SLC66A2: variants seen among roughly 807,000 people sequenced by gnomAD.
SLC66A2 encodes the protein PQ loop repeat containing 1.
SLC66A2 carries 23 observed loss-of-function variants against 25.5 expected under a neutral mutation model. The ratio of observed to expected loss-of-function variants is 0.90; its 90% CI spans 0.65 to 1.28. The LOEUF (loss-of-function observed/expected upper bound fraction) is 1.28, where lower values mean the gene tolerates loss of function less well. Ranked by LOEUF, SLC66A2 falls within the 50% of genes most tolerant of loss-of-function variation. The probability of loss-of-function intolerance (pLI) is 0.00; values close to 1 mark genes in which losing one functional copy is unlikely to be tolerated. For synonymous variants in SLC66A2, 193 were observed against 166.5 expected (o/e 1.16, Z -1.23); for missense variants, 396 against 373.1 (o/e 1.06, Z -0.51).
At chr18:79,926,407 T>G (rs891486) in intron 4 of SLC66A2, among the ~76,000 whole-genome samples, 1 of 152,004 alleles carries the variant, frequency 6.6e-6, no homozygotes. Flanking sequence ...GGGACTGGGA[T>G]GGCTGGAGGG....
At chr18:79,931,019 ATAAGT>A (rs1292859512) in intron 4 of SLC66A2, among the ~76,000 whole-genome samples, 2 of 152,356 alleles carry the variant, frequency 1.3e-5, no homozygotes, top group East Asian at 1.9e-4. Context: ...GTAGATTCTG[ATAAGT>A]TAAGATGAAT....
chr18:79,941,058 G>A lies in SLC66A2; in HGVS notation c.337+2271C>T, dbSNP rs774791942. Reference sequence around the variant, plus strand: ...GGAAAGGGTGCCCCAGCTTCCTATCGCCTCCATAACAAGGTACCACAAACG... The same window carrying A: ...GGAAAGGGTGCCCCAGCTTCCTATCACCTCCATAACAAGGTACCACAAACG... On this transcript the variant is annotated intron_variant, in intron 3 of 5. Coordinates refer to ENST00000397778, the MANE Select transcript of SLC66A2 (RefSeq NM_025078.5). This position sits in a 1 kb window ranked among gnomAD's most constrained non-coding sequence, Gnocchi z 4.1. Among the ~76,000 whole-genome samples the A allele has an allele frequency of 5.3e-5, 8 of 152,130 alleles. 1 individual carries two copies. The highest frequency in any genetic ancestry group is 1.9e-4 in the East Asian group (1 of 5,172).
intron 3 of SLC66A2, among the ~76,000 whole-genome samples, chr18:79,934,931 C>G (rs1986929729): frequency 6.6e-6 from 1 of 152,158 alleles, no homozygotes; most frequent in Non-Finnish European, 1.5e-5. Context: ...ACTCACAAGG[C>G]AGGAACTGCA....
At chr18:79,913,794 T>A (rs1166534423) in intron 5 of SLC66A2, among the ~76,000 whole-genome samples, 1 of 152,090 alleles carries the variant, frequency 6.6e-6, no homozygotes, top group Non-Finnish European at 1.5e-5. Flanking sequence ...CAGGGAAGAT[T>A]CCAGGCAGCA....
chr18:79,922,109 C>T (rs1347551614), intron 4 of SLC66A2, among the ~76,000 whole-genome samples: 2 of 151,772 alleles, frequency 1.3e-5, no homozygotes, highest in Non-Finnish European at 2.9e-5. Context: ...TGATCATGCC[C>T]CCCTGAAGGA....
chr18:79,946,231 G>A (rs1053787806), intron 2 of SLC66A2, among the ~76,000 whole-genome samples: 1 of 129,112 alleles, frequency 7.7e-6, no homozygotes, highest in Non-Finnish European at 1.8e-5. Context: ...CTAATTTTAG[G>A]GTGAAGACAA....
chr18:79,931,961 G>A (rs181099028), intron 4 of SLC66A2, among the ~76,000 whole-genome samples: 1 of 152,186 alleles, frequency 6.6e-6, no homozygotes, highest in East Asian at 1.9e-4. Flanking sequence ...AGGTTGCAGT[G>A]AGCCAAGATC....
rs1020036852 is a variant in SLC66A2 at position 79,903,630 on chromosome 18, G to A, written c.*346C>T. 17 of 322,002 alleles carry A rather than the reference G, an allele frequency of 5.3e-5. No individual in the cohort carries two copies. The highest frequency in any genetic ancestry group is 9.1e-5 in the Non-Finnish European group (16 of 175,134). 19.9% of individuals were successfully genotyped at this position (322,002 alleles called of 1,614,324 possible). A position where few individuals can be genotyped will look rare whatever the true frequency, so the allele number is the denominator to read the frequency against. On this transcript the variant is annotated 3_prime_UTR_variant, in exon 6 of 6. Transcript: ENST00000397778. Reference sequence around the variant, plus strand: ...AAGGTTCGCGGCTGCTGGCCCGTGTGTCCACCTGGAGCAGGTTCCTGCAGG... The same window carrying A: ...AAGGTTCGCGGCTGCTGGCCCGTGTATCCACCTGGAGCAGGTTCCTGCAGG...
In SLC66A2 at chr18:79,941,233, G is replaced by C. The variant is rs529965204; in HGVS notation, c.337+2096C>G. Among the ~76,000 whole-genome samples, 1 of 152,166 alleles carries C rather than the reference G, an allele frequency of 6.6e-6. No individual in the cohort carries two copies. Among genetic ancestry groups the C allele is most frequent in the Non-Finnish European group, 1.5e-5 (1 of 68,022 alleles). ...TCGGGGGCTCTGCTGCCTGTAAAGCGACGGCCGACCCATGGCAGAGAGCCA... is the reference window on the plus strand; with the variant it reads ...TCGGGGGCTCTGCTGCCTGTAAAGCCACGGCCGACCCATGGCAGAGAGCCA... On this transcript the variant is annotated intron_variant, in intron 3 of 5. Coordinates refer to ENST00000397778, the MANE Select transcript of SLC66A2 (RefSeq NM_025078.5). The surrounding 1 kb of genome is among the most constrained non-coding windows in gnomAD (Gnocchi z 4.1).
intron 5 of SLC66A2, among the ~76,000 whole-genome samples, chr18:79,905,211 G>A (rs572087782): frequency 4.5e-4 from 69 of 152,370 alleles, no homozygotes; most frequent in African/African-American, 1.5e-3. Flanking sequence ...GGAAAAACCA[G>A]GAGGCTTTGG....
At chr18:79,930,329 T>C (rs994935700) in intron 4 of SLC66A2, 2 of 151,602 alleles carry the variant, frequency 1.3e-5, no homozygotes, top group Non-Finnish European at 2.9e-5. Flanking sequence ...GAAAAAAAAA[T>C]CATCAACCAA....
chr18:79,944,279 GA>G (rs1987975339), intron 2 of SLC66A2: 2 of 152,658 alleles, frequency 1.3e-5, no homozygotes, highest in Admixed American at 1.3e-4. Context: ...GGAAGGCGGG[GA>G]TAGTGTGCAG....
rs539455750 is a variant in SLC66A2, at chr18:79,911,077, C to T, written c.609-6894G>A. ...ACAAGTGGGAAGGTGATGCCTGAGC[C>T]CAGCCCCCAGGAAGGAAGAGCAGAG... On this transcript the variant is annotated intron_variant, in intron 5 of 5. Transcript: ENST00000397778. Among the ~76,000 whole-genome samples, 49 of 152,234 alleles carry T rather than the reference C, an allele frequency of 3.2e-4. 1 individual carries two copies. Among genetic ancestry groups the T allele is most frequent in the South Asian group, 6.2e-4 (3 of 4,832 alleles).
rs1010925683 is a variant in SLC66A2 at position 79,904,511 on chromosome 18, C to A, written c.609-328G>T. Among the ~76,000 whole-genome samples the A allele has an allele frequency of 3.3e-5, 5 of 152,112 alleles. No homozygotes were observed. Among genetic ancestry groups the A allele is most frequent in the Admixed American group, 3.3e-4 (5 of 15,276 alleles). On this transcript the variant is annotated intron_variant, in intron 5 of 5. Coordinates refer to ENST00000397778, the MANE Select transcript of SLC66A2 (RefSeq NM_025078.5). The surrounding 1 kb of genome is among the most constrained non-coding windows in gnomAD (Gnocchi z 6.3). The stretch of plus-strand genomic sequence containing the variant: ...TGCCGCCTGGCTGGGGCTCTGCAAG[C>A]CCAAGAACAGTGAGACCAGCTCGAG...
intron 2 of SLC66A2, 186 bp from the exon 3 acceptor site, chr18:79,943,648 T>A: frequency 5.1e-6 from 3 of 593,276 alleles, no homozygotes; most frequent in Non-Finnish European, 5.6e-6. Flanking sequence ...GTCCCGAACC[T>A]GCAGCGGGAG....
At chr18:79,946,451 G>A (rs1004200380) in intron 2 of SLC66A2, among the ~76,000 whole-genome samples, 5 of 152,332 alleles carry the variant, frequency 3.3e-5, no homozygotes, top group South Asian at 4.1e-4. Flanking sequence ...CTCTCCTGCC[G>A]GAGGGCGTGA....
At chr18:79,951,133 GA>G (rs2051109528) in intron 1 of SLC66A2, 108 bp from the exon 2 acceptor site, 1 of 266,298 alleles carries the variant, frequency 3.8e-6, no homozygotes, top group South Asian at 1.7e-4. Flanking sequence ...GAGCGGGGGC[GA>G]CCGGGGCCCG....
chr18:79,925,733 AT>A (rs1296631411), intron 4 of SLC66A2, among the ~76,000 whole-genome samples: 1 of 152,230 alleles, frequency 6.6e-6, no homozygotes, highest in African/African-American at 2.4e-5. Context: ...GGAAGATCCG[AT>A]TTCTCATCAG....
intron 4 of SLC66A2, among the ~76,000 whole-genome samples, chr18:79,929,263 G>C (rs1313383636): frequency 6.6e-6 from 1 of 152,148 alleles, no homozygotes; most frequent in East Asian, 1.9e-4. Flanking sequence ...ATCCCCCAGG[G>C]CATCATCAAA....
Sources: gnomAD v4.1 joint callset for allele counts (sites outside exome capture counted in the v4.1 genomes callset) on GRCh38, gnomAD v4.1.1 for gene constraint, Gnocchi (gnomAD v3.1) non-coding constraint, MANE v1.5 for transcripts, NCBI Gene and HGNC (gene_info 2026-07-23, HGNC 2026-07-21) for gene names.